NTNG1: variants seen among roughly 807,000 people sequenced by gnomAD.
NTNG1 encodes the protein netrin-G1.
A neutral mutation model predicts 54.0 loss-of-function variants in NTNG1; 16 were observed. That is an observed-to-expected ratio of 0.30 (90% confidence interval 0.20 to 0.45). The LOEUF is 0.45. Among genes scored for constraint, NTNG1 ranks in the 20% least tolerant of loss-of-function variants. The pLI is 1.00. For synonymous variants in NTNG1, 255 were observed against 263.1 expected (o/e 0.97, Z 0.30); for missense variants, 530 against 678.7 (o/e 0.78, Z 2.43).
At chr1:107,362,502 G>C (rs1209873246) in intron 3 of NTNG1, among the ~76,000 whole-genome samples, 1 of 152,164 alleles carries the variant, frequency 6.6e-6, no homozygotes, top group Admixed American at 6.5e-5. Context: ...ATCTAAGTAG[G>C]AACATGAATT....
chr1:107,322,692 A>G (rs1186903754), intron 2 of NTNG1, among the ~76,000 whole-genome samples: 1 of 152,096 alleles, frequency 6.6e-6, no homozygotes, highest in Non-Finnish European at 1.5e-5. Context: ...AGGGGATACT[A>G]TAAATAGTGC....
chr1:107,306,658 G>A (rs949731853), intron 2 of NTNG1, among the ~76,000 whole-genome samples: 11 of 152,028 alleles, frequency 7.2e-5, no homozygotes, highest in Admixed American at 2.6e-4. Context: ...GGCTGAGGCC[G>A]GAGAATCGCT....
At chr1:107,422,733 A>G (rs560012763) in intron 5 of NTNG1, among the ~76,000 whole-genome samples, 1 of 152,208 alleles carries the variant, frequency 6.6e-6, no homozygotes, top group Non-Finnish European at 1.5e-5. Context: ...CTTTTTCTCA[A>G]ATTCTTTCTT....
intron 2 of NTNG1, among the ~76,000 whole-genome samples, chr1:107,292,422 C>T (rs771478896): frequency 1.3e-5 from 2 of 152,114 alleles, no homozygotes; most frequent in Non-Finnish European, 2.9e-5. Flanking sequence ...GGGTTTCCCC[C>T]GCCCTATCCC....
intron 2 of NTNG1, among the ~76,000 whole-genome samples, chr1:107,280,307 C>T (rs1557865657): frequency 1.3e-5 from 2 of 151,438 alleles, no homozygotes; most frequent in East Asian, 1.9e-4. Flanking sequence ...CTTTGCAACT[C>T]TACTAGATGT....
rs117990625 is a variant in NTNG1, at chr1:107,290,722, A to G, written c.247-33560A>G. On this transcript the variant is annotated intron_variant, in intron 2 of 7. Coordinates refer to ENST00000370068, the MANE Select transcript of NTNG1 (RefSeq NM_001113226.3). ...AAGTAGCTAATGAACAGAAGAGACC[A>G]TCCGTGCTATAACATATAAAGCAAG... 5.7e-4 allele frequency among the ~76,000 whole-genome samples: 87 copies of G among 152,010 alleles called. 2 individuals are homozygous for G. The East Asian group carries it at 0.016, about 27-fold the overall frequency.
intron 2 of NTNG1, among the ~76,000 whole-genome samples, chr1:107,157,074 C>T (rs1655056334): frequency 1.3e-5 from 2 of 152,140 alleles, no homozygotes; most frequent in African/African-American, 2.4e-5. Flanking sequence ...CTTACACTTT[C>T]TATGTGTTAT....
chr1:107,346,604 G>T (rs1477360518), intron 3 of NTNG1, among the ~76,000 whole-genome samples: 1 of 152,050 alleles, frequency 6.6e-6, no homozygotes. Context: ...CAAAACAAGT[G>T]AAAAATTTAT....
intron 5 of NTNG1, among the ~76,000 whole-genome samples, chr1:107,428,974 A>G (rs955331059): frequency 7.2e-5 from 11 of 152,142 alleles, no homozygotes; most frequent in South Asian, 4.1e-4. Flanking sequence ...TGTCTCCTAC[A>G]TTGGAGTCTC....
At chr1:107,415,730 C>G (rs482474) in intron 5 of NTNG1, among the ~76,000 whole-genome samples, 1 of 151,984 alleles carries the variant, frequency 6.6e-6, no homozygotes, top group African/African-American at 2.4e-5. Flanking sequence ...ATATTGTTGA[C>G]GTATTATAAT....
At chr1:107,178,624 A>G (rs1656828657) in intron 2 of NTNG1, among the ~76,000 whole-genome samples, 1 of 152,160 alleles carries the variant, frequency 6.6e-6, no homozygotes, top group South Asian at 2.1e-4. Context: ...GCTTGATGAA[A>G]AATTTTTCTA....
At chr1:107,296,398 T>G (rs1360757975) in intron 2 of NTNG1, among the ~76,000 whole-genome samples, 1 of 151,954 alleles carries the variant, frequency 6.6e-6, no homozygotes, top group Non-Finnish European at 1.5e-5. Context: ...GTACAATGTA[T>G]GCACATTGCA....
At chr1:107,425,388 A>G (rs1184452047) in intron 5 of NTNG1, among the ~76,000 whole-genome samples, 1 of 151,920 alleles carries the variant, frequency 6.6e-6, no homozygotes, top group African/African-American at 2.4e-5. Flanking sequence ...TTATGTCCGT[A>G]TGTACCCTTT....
At chr1:107,145,810 G>A (rs780219428) in intron 1 of NTNG1, among the ~76,000 whole-genome samples, 6 of 151,956 alleles carry the variant, frequency 3.9e-5, no homozygotes, top group South Asian at 2.1e-4. Context: ...CTCTAAATTC[G>A]ATCAATGGTG....
intron 2 of NTNG1, among the ~76,000 whole-genome samples, chr1:107,174,596 TA>T (rs897566744): frequency 4.6e-5 from 7 of 152,044 alleles, no homozygotes; most frequent in Non-Finnish European, 1.0e-4. Flanking sequence ...TGACAGCAAT[TA>T]ACACAGTGCA....
At chr1:107,319,316 C>T (rs1311963569) in intron 2 of NTNG1, among the ~76,000 whole-genome samples, 2 of 152,034 alleles carry the variant, frequency 1.3e-5, no homozygotes, top group Non-Finnish European at 2.9e-5. Flanking sequence ...GTCCCTCCAC[C>T]AAAAATTATA....
intron 7 of NTNG1, among the ~76,000 whole-genome samples, chr1:107,462,919 C>A (rs1257059403): frequency 6.6e-6 from 1 of 152,160 alleles, no homozygotes; most frequent in African/African-American, 2.4e-5. Flanking sequence ...CGCCCCACAG[C>A]TAATGAGTTG....
At chr1:107,380,567 G>C (rs1671580746) in intron 3 of NTNG1, among the ~76,000 whole-genome samples, 1 of 152,288 alleles carries the variant, frequency 6.6e-6, no homozygotes, top group Non-Finnish European at 1.5e-5. Flanking sequence ...TCTTATGAAG[G>C]CATGTTTAAA....
rs956159404 is a variant in NTNG1, at chr1:107,481,638, G to T, written c.*798G>T. On this transcript the variant is annotated 3_prime_UTR_variant, in exon 8 of 8. Coordinates refer to ENST00000370068, the MANE Select transcript of NTNG1 (RefSeq NM_001113226.3). ...GACAATCTGTTAATGTATCTAATTCGAATCAGCAAAGACTGACATTTTATT... is the reference window on the plus strand; with the variant it reads ...GACAATCTGTTAATGTATCTAATTCTAATCAGCAAAGACTGACATTTTATT... The T allele has an allele frequency of 6.6e-6, 1 of 152,530 alleles. No individual in the cohort carries two copies. The highest frequency in any genetic ancestry group is 6.5e-5 in the Admixed American group (1 of 15,274). 9.4% of individuals were successfully genotyped at this position (152,530 alleles called of 1,614,324 possible). A position where few individuals can be genotyped will look rare whatever the true frequency, so the allele number is the denominator to read the frequency against.
Sources: gnomAD v4.1 joint callset for allele counts (sites outside exome capture counted in the v4.1 genomes callset) on GRCh38, gnomAD v4.1.1 for gene constraint, MANE v1.5 for transcripts, NCBI Gene and HGNC (gene_info 2026-07-23, HGNC 2026-07-21) for gene names.